Variants in STIM1 observed in about 807,000 individuals in gnomAD.
STIM1 encodes stromal interaction molecule 1.
STIM1 carries 25 observed loss-of-function variants against 74.7 expected under a neutral mutation model. The observed-to-expected ratio is 0.33, with a 90% CI of 0.24 to 0.47. STIM1 has a LOEUF of 0.47. Among genes scored for constraint, STIM1 ranks in the 20% least tolerant of loss-of-function variants. The pLI, the probability that STIM1 is intolerant of heterozygous loss-of-function variation, is 1.00. For missense variants in STIM1, 728 were observed against 920.8 expected (o/e 0.79, Z 2.71); for synonymous variants, 328 against 348.8 (o/e 0.94, Z 0.66).
intron 2 of STIM1, among the ~76,000 whole-genome samples, chr11:3,980,866 G>A (rs560753013): frequency 2.0e-5 from 3 of 152,244 alleles, no homozygotes; most frequent in Admixed American, 2.0e-4. Context: ...GATGCCAGTA[G>A]CAAACCTTTC....
chr11:3,925,889 G>T (rs985314652), intron 1 of STIM1, among the ~76,000 whole-genome samples: 2 of 152,138 alleles, frequency 1.3e-5, no homozygotes, highest in African/African-American at 4.8e-5. Context: ...GCCCGGTAAA[G>T]ATTTAGTTTA....
intron 7 of STIM1, among the ~76,000 whole-genome samples, chr11:4,080,059 G>GAAATAAAT (rs142489170): frequency 2.0e-5 from 3 of 151,520 alleles, no homozygotes; most frequent in African/African-American, 7.3e-5. Context: ...TCTCTACCAA[G>GAAATAAAT]AAATAAATAA....
chr11:4,071,040 G>A lies in STIM1; in HGVS notation c.791+837G>A, dbSNP rs78497530. Among the ~76,000 whole-genome samples, 167 of 152,328 alleles carry A rather than the reference G, an allele frequency of 1.1e-3. 1 individual carries two copies. Among genetic ancestry groups the A allele is most frequent in the African/African-American group, 3.8e-3 (159 of 41,572 alleles). On this transcript the variant is annotated intron_variant, in intron 6 of 12. Transcript: ENST00000526596. Reference sequence around the variant, plus strand: ...TAGAAAGACAAAGAGGTGGATGAGTGGATGTGGGACTCTGAGGAGGTAGCC... The same window carrying A: ...TAGAAAGACAAAGAGGTGGATGAGTAGATGTGGGACTCTGAGGAGGTAGCC...
intron 3 of STIM1, among the ~76,000 whole-genome samples, chr11:4,026,354 G>A (rs980690450): frequency 1.3e-5 from 2 of 152,156 alleles, no homozygotes; most frequent in African/African-American, 4.8e-5. Flanking sequence ...CAGCAGCAAC[G>A]ACAAAAACTG....
At chr11:3,872,960 T>TC (rs553776857) in intron 1 of STIM1, among the ~76,000 whole-genome samples, 146 of 151,738 alleles carry the variant, frequency 9.6e-4, no homozygotes, top group African/African-American at 3.5e-3. Context: ...ACTTTTTTTT[T>TC]TTTTTTGAGA....
intron 3 of STIM1, among the ~76,000 whole-genome samples, chr11:4,052,537 G>A (rs943728411): frequency 6.6e-6 from 1 of 152,232 alleles, no homozygotes; most frequent in Non-Finnish European, 1.5e-5. Context: ...CTAGCCATAT[G>A]TAGAAAGCTG....
intron 2 of STIM1, among the ~76,000 whole-genome samples, chr11:3,974,515 A>C (rs2093427714): frequency 3.5e-5 from 5 of 143,770 alleles, no homozygotes; most frequent in Admixed American, 3.5e-4. Flanking sequence ...ATCTCTACCA[A>C]AAAAAAAAAA....
intron 1 of STIM1, among the ~76,000 whole-genome samples, chr11:3,942,129 G>A (rs553659273): frequency 2.0e-5 from 3 of 152,290 alleles, no homozygotes; most frequent in Admixed American, 6.5e-5. Flanking sequence ...CTTGGATTGG[G>A]TTTGAAGGTA....
chr11:4,048,881 C>T (rs2094214987), intron 3 of STIM1, among the ~76,000 whole-genome samples: 1 of 151,700 alleles, frequency 6.6e-6, no homozygotes, highest in African/African-American at 2.4e-5. Flanking sequence ...TTATAGGTGC[C>T]CGCCACCACG....
intron 1 of STIM1, among the ~76,000 whole-genome samples, chr11:3,893,196 G>A (rs375048223): frequency 1.3e-5 from 2 of 152,134 alleles, no homozygotes; most frequent in Non-Finnish European, 2.9e-5. Context: ...CAATATAGAG[G>A]GATGTTTGTA....
At chr11:3,885,895 C>G (rs763178981) in intron 1 of STIM1, among the ~76,000 whole-genome samples, 4 of 152,182 alleles carry the variant, frequency 2.6e-5, no homozygotes, top group Non-Finnish European at 5.9e-5. Context: ...GCCTCAGCCT[C>G]TGTAAGTGTT....
intron 2 of STIM1, among the ~76,000 whole-genome samples, chr11:4,017,091 C>G (rs959347668): frequency 1.3e-5 from 2 of 151,964 alleles, no homozygotes; most frequent in Admixed American, 6.5e-5. Context: ...ACTGTCCAAC[C>G]AGTCCCAATG....
rs2094202154 is a variant in STIM1, at chr11:4,047,475, G to C, written c.386-8051G>C. ...TACTGAAAATACAGAAATTAACTGG[G>C]TGTGGCGGCATGTGTCTGTAATCCC... On this transcript the variant is annotated intron_variant, in intron 3 of 12. Coordinates refer to ENST00000526596, the MANE Select transcript of STIM1 (RefSeq NM_001382567.1). Among the ~76,000 whole-genome samples, 5 of 152,124 alleles carry C rather than the reference G, an allele frequency of 3.3e-5. No individual in the cohort carries two copies. In the South Asian group the frequency reaches 1.0e-3, roughly 32 times the overall value.
At chr11:4,030,026 G>A (rs552388439) in intron 3 of STIM1, among the ~76,000 whole-genome samples, 3 of 152,214 alleles carry the variant, frequency 2.0e-5, no homozygotes, top group African/African-American at 4.8e-5. Context: ...GAGCTAGGAA[G>A]CCTTTAGAAA....
chr11:3,896,971 G>A (rs2092197305), intron 1 of STIM1, among the ~76,000 whole-genome samples: 1 of 152,124 alleles, frequency 6.6e-6, no homozygotes, highest in African/African-American at 2.4e-5. Context: ...CACATAATAA[G>A]CTCTCATTAA....
At chr11:3,995,041 C>A (rs781205667) in intron 2 of STIM1, among the ~76,000 whole-genome samples, 1 of 151,754 alleles carries the variant, frequency 6.6e-6, no homozygotes, top group Admixed American at 6.6e-5. Context: ...TTATTTGATG[C>A]ATCATTGACA....
At position 3,885,528 on chromosome 11, in the gene STIM1, A is replaced by T. The variant is rs1488427224; in HGVS notation, c.139+29119A>T. Reference sequence around the variant, plus strand: ...GTTTGCTGAGAACTATTGGTTTAACACAATTGTAGATAATTATAATTTTCT... The same window carrying T: ...GTTTGCTGAGAACTATTGGTTTAACTCAATTGTAGATAATTATAATTTTCT... On this transcript the variant is annotated intron_variant, in intron 1 of 12. Coordinates refer to ENST00000526596, the MANE Select transcript of STIM1 (RefSeq NM_001382567.1). Among the ~76,000 whole-genome samples, 4 of 152,192 alleles carry T rather than the reference A, an allele frequency of 2.6e-5. No individual in the cohort carries two copies. In the East Asian group the frequency reaches 7.7e-4, roughly 29 times the overall value.
intron 1 of STIM1, among the ~76,000 whole-genome samples, chr11:3,936,910 G>A (rs2092938852): frequency 6.6e-6 from 1 of 152,172 alleles, no homozygotes; most frequent in East Asian, 1.9e-4. Context: ...GGGTGGGATG[G>A]TGTAGAGTAT....
chr11:4,054,819 A>G (rs975913079), intron 3 of STIM1, among the ~76,000 whole-genome samples: 1 of 152,218 alleles, frequency 6.6e-6, no homozygotes, highest in Non-Finnish European at 1.5e-5. Flanking sequence ...CCCATGAAAT[A>G]TTTGAGATAA....
Sources: gnomAD v4.1 joint callset for allele counts (sites outside exome capture counted in the v4.1 genomes callset) on GRCh38, gnomAD v4.1.1 for gene constraint, MANE v1.5 for transcripts, NCBI Gene and HGNC (gene_info 2026-07-23, HGNC 2026-07-21) for gene names.